The following PID1 variants were observed in gnomAD, a reference collection of about 807,000 sequenced individuals.
PID1 encodes phosphotyrosine interaction domain containing 1, also known as PTB-containing, cubilin and LRP1-interacting protein.
In PID1, 10 loss-of-function variants were observed where a neutral mutation model predicts 19.1. The observed-to-expected ratio is 0.52, with a 90% CI of 0.32 to 0.89. The LOEUF (loss-of-function observed/expected upper bound fraction) is 0.89, where lower values mean the gene tolerates loss of function less well. Ranked by LOEUF, PID1 falls within the 40% of genes least tolerant of loss-of-function variation. The pLI, the probability that PID1 is intolerant of heterozygous loss-of-function variation, is 0.03. For missense variants in PID1, 248 were observed against 285.3 expected, an observed-to-expected ratio of 0.87 and a Z score of 0.94; for synonymous variants, 130 against 116.0, an observed-to-expected ratio of 1.12 and a Z score of -0.78.
chr2:229,155,601 G>C (rs917129561), intron 2 of PID1, among the ~76,000 whole-genome samples: 2 of 151,730 alleles, frequency 1.3e-5, no homozygotes, highest in Non-Finnish European at 2.9e-5. Context: ...AAAAACCCTA[G>C]GTCTTTAATG....
intron 1 of PID1, among the ~76,000 whole-genome samples, chr2:229,254,172 A>G (rs1690229134): frequency 6.6e-6 from 1 of 152,148 alleles, no homozygotes; most frequent in Admixed American, 6.5e-5. Flanking sequence ...CAACAAAAAA[A>G]CCTCCAAAAT....
intron 1 of PID1, among the ~76,000 whole-genome samples, chr2:229,222,977 G>A (rs1033573794): frequency 1.3e-5 from 2 of 151,916 alleles, no homozygotes; most frequent in African/African-American, 4.8e-5. Context: ...TTCCTGTTAT[G>A]AGACCTTTAG....
intron 2 of PID1, among the ~76,000 whole-genome samples, chr2:229,044,433 G>A (rs888981381): frequency 4.0e-5 from 6 of 151,554 alleles, no homozygotes; most frequent in African/African-American, 1.5e-4. Flanking sequence ...CTGCTTCCCC[G>A]ACAAATGCTC....
At chr2:229,086,696 T>C (rs1305081116) in intron 2 of PID1, among the ~76,000 whole-genome samples, 1 of 152,088 alleles carries the variant, frequency 6.6e-6, no homozygotes, top group African/African-American at 2.4e-5. Flanking sequence ...GAGTAACAAC[T>C]AGAAAAAGAT....
At chr2:229,146,236 C>T (rs1340167051) in intron 2 of PID1, among the ~76,000 whole-genome samples, 2 of 152,036 alleles carry the variant, frequency 1.3e-5, no homozygotes, top group Non-Finnish European at 2.9e-5. Context: ...AACAGAAAAC[C>T]AAACACCATT....
chr2:229,167,149 A>G (rs1461191889), intron 1 of PID1, among the ~76,000 whole-genome samples: 1 of 152,108 alleles, frequency 6.6e-6, no homozygotes, highest in African/African-American at 2.4e-5. Context: ...AATTATCAAA[A>G]TCTAAAGTTA....
intron 1 of PID1, among the ~76,000 whole-genome samples, chr2:229,199,118 T>C (rs182842521): frequency 4.3e-4 from 66 of 152,094 alleles, no homozygotes; most frequent in African/African-American, 1.5e-3. Context: ...CCAGTGCTGA[T>C]CCTTCTACCT....
rs531404111 is a variant in PID1 at position 229,164,384 on chromosome 2, T to C, written c.31-8420A>G. On this transcript the variant is annotated intron_variant, in intron 1 of 2. Coordinates refer to ENST00000392055, the MANE Select transcript of PID1 (RefSeq NM_001100818.2). ...GAAAATTGAACTAAGAGGGTGTGAG[T>C]CAGTGAATGATAGAATAATAATATA... Among the ~76,000 whole-genome samples the C allele has an allele frequency of 2.0e-5, 3 of 151,968 alleles. No individual in the cohort carries two copies. In the South Asian group the frequency reaches 6.2e-4, roughly 32 times the overall value.
chr2:229,094,430 G>T (rs145900502), intron 2 of PID1, among the ~76,000 whole-genome samples: 2 of 151,906 alleles, frequency 1.3e-5, no homozygotes, highest in African/African-American at 4.8e-5. Context: ...AACAGAATTA[G>T]GAAAAAAATC....
At chr2:229,124,685 A>T (rs1695587396) in intron 2 of PID1, among the ~76,000 whole-genome samples, 1 of 152,170 alleles carries the variant, frequency 6.6e-6, no homozygotes, top group Non-Finnish European at 1.5e-5. Context: ...AAGAAAAAAA[A>T]AACTTTAAGT....
intron 1 of PID1, among the ~76,000 whole-genome samples, chr2:229,187,072 T>C (rs571381616): frequency 6.6e-6 from 1 of 152,306 alleles, no homozygotes; most frequent in East Asian, 1.9e-4. Flanking sequence ...TCCCAACAAG[T>C]TCCTCATCTC....
Position 229,179,937 on chromosome 2 carries a change from T to A in PID1, c.31-23973A>T, listed in dbSNP as rs749599415. Among the ~76,000 whole-genome samples, 46 of 152,162 alleles carry A rather than the reference T, an allele frequency of 3.0e-4. 1 individual carries two copies. Among genetic ancestry groups the A allele is most frequent in the Admixed American group, 1.8e-3 (28 of 15,280 alleles). ...CAGACTCACCTTGTCCCTTTTGTCC[T>A]CAACTGAGTCCCTCATTGGACATAT... On this transcript the variant is annotated intron_variant, in intron 1 of 2. Coordinates refer to ENST00000392055, the MANE Select transcript of PID1 (RefSeq NM_001100818.2).
intron 1 of PID1, among the ~76,000 whole-genome samples, chr2:229,157,836 A>G (rs574629142): frequency 6.6e-6 from 1 of 152,174 alleles, no homozygotes; most frequent in African/African-American, 2.4e-5. Context: ...GCAACCACCT[A>G]CGTACTGAAA....
intron 2 of PID1, among the ~76,000 whole-genome samples, chr2:229,103,417 G>A (rs1433942138): frequency 6.6e-6 from 1 of 152,152 alleles, no homozygotes; most frequent in Non-Finnish European, 1.5e-5. Flanking sequence ...GGCAAGAGCT[G>A]AAACCCTGAA....
chr2:229,040,144 C>T lies in PID1; in HGVS notation c.178-14036G>A, dbSNP rs1395694315. Among the ~76,000 whole-genome samples, 7 of 144,798 alleles carry T rather than the reference C, an allele frequency of 4.8e-5. 1 individual carries two copies. In the East Asian group the frequency reaches 1.4e-3, roughly 29 times the overall value. 95.0% of individuals were successfully genotyped at this position (144,798 alleles called of 152,430 possible). On this transcript the variant is annotated intron_variant, in intron 2 of 2. Transcript: ENST00000392055. ...GGAAAAAAAAAAAAAAAAGGCTGGG[C>T]ACAGTGGCTCACGCCAGCAATCCCA... is the stretch of plus-strand genomic sequence containing the variant.
In PID1 at chr2:229,025,727, T is replaced by C. The variant is rs747981058; in HGVS notation, c.559A>G (p.Arg187Gly). Residue 187 changes from arginine (R) to glycine (G), a missense_variant, in exon 3 of 3, where the codon AGG (arginine) becomes GGG (glycine). Coordinates refer to ENST00000392055, the MANE Select transcript of PID1 (RefSeq NM_001100818.2). ...CTCTTCATACTGTGGAAAGTCTTCC[T>C]GAAGGCCTCCATCATGGCGTGGGCC... ...KLAHAMMEAFRKTFHSMKSDG... is the reference protein window; with the variant it reads ...KLAHAMMEAFGKTFHSMKSDG... 5.8e-5 allele frequency: 94 copies of C among 1,614,150 alleles called. No individual in the cohort carries two copies. The East Asian group carries it at 2.0e-3, about 35-fold the overall frequency.
At chr2:229,229,658 G>A (rs1431230332) in intron 1 of PID1, among the ~76,000 whole-genome samples, 6 of 152,116 alleles carry the variant, frequency 3.9e-5, no homozygotes, top group Non-Finnish European at 8.8e-5. Context: ...ATAAAGCAAT[G>A]TTAATAGTGA....
intron 2 of PID1, among the ~76,000 whole-genome samples, chr2:229,108,172 T>G (rs368723718): frequency 6.6e-6 from 1 of 152,274 alleles, no homozygotes; most frequent in African/African-American, 2.4e-5. Flanking sequence ...CTAACTGGGT[T>G]AGACTCCTAT....
chr2:229,180,558 A>G (rs1318176369), intron 1 of PID1, among the ~76,000 whole-genome samples: 1 of 152,176 alleles, frequency 6.6e-6, no homozygotes, highest in East Asian at 1.9e-4. Flanking sequence ...TCCATGATCC[A>G]CCACAGACCT....
Sources: gnomAD v4.1 joint callset for allele counts (sites outside exome capture counted in the v4.1 genomes callset) on GRCh38, gnomAD v4.1.1 for gene constraint, MANE v1.5 for transcripts, NCBI Gene and HGNC (gene_info 2026-07-23, HGNC 2026-07-21) for gene names.